Variants in TNKS2 observed in about 807,000 individuals in gnomAD.
TNKS2 encodes the protein tankyrase 2, also known as poly [ADP-ribose] polymerase tankyrase-2.
In TNKS2, 72 loss-of-function variants were observed where a neutral mutation model predicts 137.6. The ratio of observed to expected loss-of-function variants is 0.52; its 90% CI spans 0.43 to 0.64. The LOEUF (loss-of-function observed/expected upper bound fraction) is 0.64, where lower values mean the gene tolerates loss of function less well. TNKS2 is among the 30% of genes least tolerant of loss of function. The pLI, the probability that TNKS2 is intolerant of heterozygous loss-of-function variation, is 0.00. For missense variants in TNKS2, 1,049 were observed against 1,410.2 expected (o/e 0.74, Z 4.10); for synonymous variants, 516 against 512.1 (o/e 1.01, Z -0.10).
At chr10:91,827,339 A>T in intron 8 of TNKS2, 136 bp downstream of exon 8, 1 of 675,420 alleles carries the variant, frequency 1.5e-6, no homozygotes, top group Non-Finnish European at 2.2e-6. Context: ...GTTGTTTAGC[A>T]TATTTAATAA....
chr10:91,844,345 A>G lies in TNKS2; in HGVS notation c.2060-574A>G, dbSNP rs370922721. Among the ~76,000 whole-genome samples, 24 of 152,348 alleles carry G rather than the reference A, an allele frequency of 1.6e-4. No individual in the cohort carries two copies. The East Asian group carries it at 4.6e-3, about 29-fold the overall frequency. Reference sequence around the variant, plus strand: ...CCTTTAGCAAAAGGATAAAAACTATAATAGAAATAAGTTTTATTTCATGGC... The same window carrying G: ...CCTTTAGCAAAAGGATAAAAACTATGATAGAAATAAGTTTTATTTCATGGC... On this transcript the variant is annotated intron_variant, in intron 16 of 26. Transcript: ENST00000371627.
rs1589633504 is a variant in TNKS2, at chr10:91,798,589, C to G, written c.-102C>G. ...AGCAGGGAGCCAAGCGGCCCGGGCC[C>G]TGAGCGCGTCTTCTCCGGGGGGCCT... is the stretch of plus-strand genomic sequence containing the variant. On this transcript the variant is annotated 5_prime_UTR_variant, in exon 1 of 27. Coordinates refer to ENST00000371627, the MANE Select transcript of TNKS2 (RefSeq NM_025235.4). 1 of 1,186,560 alleles carries G rather than the reference C, an allele frequency of 8.4e-7. No homozygotes were observed. 73.5% of individuals were successfully genotyped at this position (1,186,560 alleles called of 1,614,324 possible). A position where few individuals can be genotyped will look rare whatever the true frequency, so the allele number is the denominator to read the frequency against.
At chr10:91,807,620 T>C (rs537357185) in intron 1 of TNKS2, among the ~76,000 whole-genome samples, 1 of 152,292 alleles carries the variant, frequency 6.6e-6, no homozygotes, top group East Asian at 1.9e-4. Context: ...AACAAATTGC[T>C]CTGTACCATG....
chr10:91,831,325 AG>A, intron 11 of TNKS2, 144 bp downstream of exon 11: 1 of 768,964 alleles, frequency 1.3e-6, no homozygotes, highest in Non-Finnish European at 2.1e-6. Flanking sequence ...ATTGTCCTGC[AG>A]GTAACCTTTT....
At position 91,826,423 on chromosome 10, in the gene TNKS2, CT is replaced by C. The variant is rs563555374; in HGVS notation, c.796-593del. ...GATATATGTATACTGTGAAATACTC[CT>C]CAACAATGAAAATGAACTACTTGTG... On this transcript the variant is annotated intron_variant, in intron 7 of 26. Coordinates refer to ENST00000371627, the MANE Select transcript of TNKS2 (RefSeq NM_025235.4). Among the ~76,000 whole-genome samples the C allele has an allele frequency of 9.9e-5, 15 of 152,208 alleles. No individual in the cohort carries two copies. In the South Asian group the frequency reaches 3.1e-3, roughly 32 times the overall value.
intron 7 of TNKS2, 36 bp downstream of exon 7, chr10:91,822,398 A>T (rs1844918583): frequency 6.6e-7 from 1 of 1,517,578 alleles, no homozygotes; most frequent in South Asian, 1.2e-5. Context: ...TACTTTCTAG[A>T]GTTATATAAA....
chr10:91,837,086 T>G, intron 13 of TNKS2, 88 bp downstream of exon 13: 3 of 1,318,862 alleles, frequency 2.3e-6, no homozygotes, highest in Non-Finnish European at 3.1e-6. Context: ...AAGAGCCTGG[T>G]TTATTTGTAT....
intron 21 of TNKS2, among the ~76,000 whole-genome samples, chr10:91,852,657 A>G (rs1243639279): frequency 6.6e-6 from 1 of 152,274 alleles, no homozygotes; most frequent in African/African-American, 2.4e-5. Context: ...GGTCAAAAAT[A>G]TCCAATAATT....
In TNKS2 at chr10:91,840,774, A is replaced by G. The variant is rs1027672307; in HGVS notation, c.1673+68A>G. On this transcript the variant is annotated intron_variant, in intron 14 of 26. Transcript: ENST00000371627. Reference sequence around the variant, plus strand: ...CTTGACCTTTTTAGGAAAACCTGGAAATATAATATGTTTTATTTTTCAAGA... The same window carrying G: ...CTTGACCTTTTTAGGAAAACCTGGAGATATAATATGTTTTATTTTTCAAGA... The G allele has an allele frequency of 1.1e-4, 159 of 1,434,080 alleles. 2 individuals carry two copies. The Admixed American group carries it at 3.2e-3, about 29-fold the overall frequency. 88.8% of individuals were successfully genotyped at this position (1,434,080 alleles called of 1,614,324 possible).
chr10:91,815,710 TAGTTACTAGAA>T (rs1319518396), intron 2 of TNKS2, among the ~76,000 whole-genome samples: 1 of 152,156 alleles, frequency 6.6e-6, no homozygotes, highest in Non-Finnish European at 1.5e-5. Flanking sequence ...TTTTTTCATG[TAGTTACTAGAA>T]AATGTTAAAT....
intron 1 of TNKS2, among the ~76,000 whole-genome samples, chr10:91,799,328 A>G (rs1250657834): frequency 6.6e-6 from 1 of 152,190 alleles, no homozygotes; most frequent in Non-Finnish European, 1.5e-5. Flanking sequence ...GACTTTGTAA[A>G]ATACAAGGAT....
chr10:91,824,154 G>A (rs1715196062), intron 7 of TNKS2, among the ~76,000 whole-genome samples: 2 of 152,228 alleles, frequency 1.3e-5, no homozygotes. Context: ...ATGTGAGGGT[G>A]TAAGTAGTTA....
intron 17 of TNKS2, 89 bp from the exon 18 acceptor site, chr10:91,845,663 T>C: frequency 9.4e-7 from 1 of 1,065,592 alleles, no homozygotes; most frequent in South Asian, 3.0e-5. Context: ...TTTGAAAATG[T>C]GGAAGTAGGT....
chr10:91,837,033 G>T, intron 13 of TNKS2, 35 bp downstream of exon 13: 1 of 1,602,064 alleles, frequency 6.2e-7, no homozygotes, highest in Non-Finnish European at 8.5e-7. Flanking sequence ...TTAACTTTGG[G>T]TTTTTATTTT....
chr10:91,860,807 A>G (rs752864107), intron 25 of TNKS2, among the ~76,000 whole-genome samples: 4 of 152,120 alleles, frequency 2.6e-5, no homozygotes, highest in Non-Finnish European at 5.9e-5. Context: ...AGGCCCTCCT[A>G]TGTATGACGT....
At chr10:91,834,752 C>G (rs1841943642) in intron 12 of TNKS2, among the ~76,000 whole-genome samples, 1 of 152,168 alleles carries the variant, frequency 6.6e-6, no homozygotes, top group African/African-American at 2.4e-5. Flanking sequence ...ACTTACAAGA[C>G]TGTTTTGAAG....
chr10:91,813,560 G>A (rs759851692), intron 2 of TNKS2, among the ~76,000 whole-genome samples: 12 of 152,304 alleles, frequency 7.9e-5, no homozygotes, highest in South Asian at 6.2e-4. Flanking sequence ...GAGTCTTTCC[G>A]TGAGAAAGGG....
intron 25 of TNKS2, among the ~76,000 whole-genome samples, chr10:91,860,792 A>G (rs1379028518): frequency 1.3e-5 from 2 of 152,168 alleles, no homozygotes; most frequent in African/African-American, 2.4e-5. Flanking sequence ...TAGGTAGTAC[A>G]CAGTAGGCCC....
Position 91,857,407 on chromosome 10 carries a change from C to A in TNKS2, c.2989-18C>A. On this transcript the variant is annotated intron_variant, in intron 23 of 26. Transcript: ENST00000371627. Reference sequence around the variant, plus strand: ...AGTAATTCCTAAAGATTTGATTTTTCTGGTTTATTTTTTATAGATTCAGAA... The same window carrying A: ...AGTAATTCCTAAAGATTTGATTTTTATGGTTTATTTTTTATAGATTCAGAA... 6.5e-7 allele frequency: 1 copy of A among 1,546,198 alleles called. No homozygotes were observed. Among genetic ancestry groups the A allele is most frequent in the South Asian group, 1.2e-5 (1 of 83,306 alleles).
Sources: gnomAD v4.1 joint callset for allele counts (sites outside exome capture counted in the v4.1 genomes callset) on GRCh38, gnomAD v4.1.1 for gene constraint, MANE v1.5 for transcripts, NCBI Gene and HGNC (gene_info 2026-07-23, HGNC 2026-07-21) for gene names.